Variants in LRP1B observed in about 807,000 individuals in gnomAD.
LRP1B encodes the protein LDL receptor related protein 1B.
LRP1B carries 217 observed loss-of-function variants against 556.6 expected under a neutral mutation model. The observed-to-expected ratio is 0.39, with a 90% CI of 0.35 to 0.44. The LOEUF (loss-of-function observed/expected upper bound fraction) is 0.44, where lower values mean the gene tolerates loss of function less well. Among genes scored for constraint, LRP1B ranks in the 20% least tolerant of loss-of-function variants. The probability of loss-of-function intolerance (pLI) is 1.00; values close to 1 mark genes in which losing one functional copy is unlikely to be tolerated. For synonymous variants in LRP1B, 2,047 were observed against 1,865.8 expected (o/e 1.10, Z -2.50); for missense variants, 5,053 against 5,620.8 (o/e 0.90, Z 3.23).
At chr2:140,499,106 A>T (rs1024928005) in intron 55 of LRP1B, among the ~76,000 whole-genome samples, 3 of 151,884 alleles carry the variant, frequency 2.0e-5, no homozygotes, top group Admixed American at 2.0e-4. Flanking sequence ...ACTGGCATTT[A>T]TAAAGTATTA....
chr2:141,990,742 T>C (rs1702321483), intron 1 of LRP1B, among the ~76,000 whole-genome samples: 1 of 152,104 alleles, frequency 6.6e-6, no homozygotes, highest in African/African-American at 2.4e-5. Flanking sequence ...TGTGTATCTA[T>C]ATGCACACAC....
intron 2 of LRP1B, among the ~76,000 whole-genome samples, chr2:141,525,732 T>C (rs1395793059): frequency 6.6e-6 from 1 of 151,916 alleles, no homozygotes; most frequent in African/African-American, 2.4e-5. Context: ...ATACATAATA[T>C]TGACAAAGTA....
intron 49 of LRP1B, among the ~76,000 whole-genome samples, chr2:140,518,093 A>G (rs1377144546): frequency 6.6e-6 from 1 of 152,146 alleles, no homozygotes; most frequent in Non-Finnish European, 1.5e-5. Flanking sequence ...ATAGCCAAGC[A>G]GGAAGTAAAC....
rs191031565 is a variant in LRP1B at position 141,774,454 on chromosome 2, G to A, written c.205+35825C>T. Among the ~76,000 whole-genome samples the A allele has an allele frequency of 2.3e-3, 347 of 152,176 alleles. 2 individuals are homozygous for A. Among genetic ancestry groups the A allele is most frequent in the African/African-American group, 7.3e-3 (305 of 41,516 alleles). On this transcript the variant is annotated intron_variant, in intron 2 of 90. Coordinates refer to ENST00000389484, the MANE Select transcript of LRP1B (RefSeq NM_018557.3). ...ACTAATGAGACCTCACTCAATCACC[G>A]CGGGGATGGTGCTGGGCCATTCATG...
chr2:140,294,899 G>T (rs1683536839), intron 84 of LRP1B, among the ~76,000 whole-genome samples: 1 of 152,216 alleles, frequency 6.6e-6, no homozygotes, highest in South Asian at 2.1e-4. Context: ...TATTTATTGA[G>T]ATGAGTCTTG....
rs150026198 is a variant in LRP1B at position 140,640,672 on chromosome 2, C to T, written c.6800-39033G>A. On this transcript the variant is annotated intron_variant, in intron 41 of 90. Coordinates refer to ENST00000389484, the MANE Select transcript of LRP1B (RefSeq NM_018557.3). ...TGCTGGGATTACAGGCGTGAGCCAC[C>T]GCACCTGGCTCCCTTGTCCTATTTT... Among the ~76,000 whole-genome samples, 191 of 152,080 alleles carry T rather than the reference C, an allele frequency of 1.3e-3. 2 individuals are homozygous for T. The East Asian group carries it at 0.03, about 24-fold the overall frequency.
At chr2:141,119,445 T>C (rs1481860789) in intron 7 of LRP1B, among the ~76,000 whole-genome samples, 4 of 151,774 alleles carry the variant, frequency 2.6e-5, no homozygotes, top group Non-Finnish European at 5.9e-5. Context: ...AGCAAGCATA[T>C]TTGTCTCATA....
chr2:140,504,363 A>C (rs918514506), intron 53 of LRP1B, among the ~76,000 whole-genome samples: 1 of 152,136 alleles, frequency 6.6e-6, no homozygotes, highest in Non-Finnish European at 1.5e-5. Flanking sequence ...CTTCTTTCCA[A>C]CTTTGATCTT....
chr2:142,100,239 G>C (rs1706525164), intron 1 of LRP1B, among the ~76,000 whole-genome samples: 1 of 151,912 alleles, frequency 6.6e-6, no homozygotes. Flanking sequence ...TGGCTTCTCC[G>C]TGAGATATCA....
At chr2:141,360,814 T>C (rs1688798224) in intron 3 of LRP1B, among the ~76,000 whole-genome samples, 1 of 152,216 alleles carries the variant, frequency 6.6e-6, no homozygotes, top group Non-Finnish European at 1.5e-5. Context: ...AGGATAATTA[T>C]TGAAAGAAGA....
chr2:140,974,706 C>A (rs547911606), intron 18 of LRP1B, among the ~76,000 whole-genome samples: 1 of 152,224 alleles, frequency 6.6e-6, no homozygotes, highest in African/African-American at 2.4e-5. Flanking sequence ...TGGCCCTGGC[C>A]CACTTAGATC....
At chr2:141,067,442 C>T (rs939212083) in intron 7 of LRP1B, among the ~76,000 whole-genome samples, 10 of 151,912 alleles carry the variant, frequency 6.6e-5, no homozygotes, top group Admixed American at 2.6e-4. Context: ...CTCTCTTGTA[C>T]TTGGTTTTCA....
chr2:141,873,224 G>T (rs893651095), intron 1 of LRP1B, among the ~76,000 whole-genome samples: 1 of 151,952 alleles, frequency 6.6e-6, no homozygotes, highest in African/African-American at 2.4e-5. Flanking sequence ...GGAAGGCTGA[G>T]GCAGGAGACT....
At chr2:140,973,087 A>C (rs1341336551) in intron 18 of LRP1B, among the ~76,000 whole-genome samples, 1 of 128,424 alleles carries the variant, frequency 7.8e-6, no homozygotes, top group Non-Finnish European at 1.7e-5. Flanking sequence ...TATATTTCTA[A>C]ACACAGTACT....
At chr2:142,023,399 G>T (rs1409708108) in intron 1 of LRP1B, among the ~76,000 whole-genome samples, 1 of 152,116 alleles carries the variant, frequency 6.6e-6, no homozygotes, top group South Asian at 2.1e-4. Context: ...GAGGGTTCAA[G>T]TTCATATATT....
chr2:140,408,167 G>A (rs534315005), intron 66 of LRP1B, among the ~76,000 whole-genome samples: 1 of 152,002 alleles, frequency 6.6e-6, no homozygotes, highest in East Asian at 1.9e-4. Context: ...AATGGACTTT[G>A]AGGATTTACA....
chr2:140,747,281 T>C (rs1425262821), intron 35 of LRP1B, among the ~76,000 whole-genome samples: 1 of 152,180 alleles, frequency 6.6e-6, no homozygotes, highest in Non-Finnish European at 1.5e-5. Flanking sequence ...TTCACTCACC[T>C]AGGTGACAAA....
At position 141,141,695 on chromosome 2, in the gene LRP1B, A is replaced by T. The variant is rs185586450; in HGVS notation, c.1013+46726T>A. ...AGGAAGTAATCTTTGCTTATAAGAC[A>T]ATTTCTAAGGACATTAAAACATGTA... On this transcript the variant is annotated intron_variant, in intron 7 of 90. Transcript: ENST00000389484. Among the ~76,000 whole-genome samples, 6 of 152,338 alleles carry T rather than the reference A, an allele frequency of 3.9e-5. No individual in the cohort carries two copies. In the East Asian group the frequency reaches 1.2e-3, roughly 29 times the overall value.
chr2:140,694,824 G>T (rs546872314), intron 41 of LRP1B, among the ~76,000 whole-genome samples: 3 of 151,796 alleles, frequency 2.0e-5, no homozygotes, highest in African/African-American at 7.2e-5. Flanking sequence ...ACTTTCACTA[G>T]TACAATATAA....
Sources: gnomAD v4.1 joint callset for allele counts (sites outside exome capture counted in the v4.1 genomes callset) on GRCh38, gnomAD v4.1.1 for gene constraint, MANE v1.5 for transcripts, NCBI Gene and HGNC (gene_info 2026-07-23, HGNC 2026-07-21) for gene names.